The following SLC7A1 variants were observed in gnomAD, a reference collection of about 807,000 sequenced individuals.
SLC7A1 encodes the protein high affinity cationic amino acid transporter 1.
In SLC7A1, 10 loss-of-function variants were observed where a neutral mutation model predicts 53.9. The observed-to-expected ratio is 0.19, with a 90% CI of 0.11 to 0.31. The LOEUF (loss-of-function observed/expected upper bound fraction) is 0.31. Ranked by LOEUF, SLC7A1 falls within the 10% of genes least tolerant of loss-of-function variation. SLC7A1 has a pLI of 1.00. For synonymous variants in SLC7A1, 342 were observed against 338.7 expected, an observed-to-expected ratio of 1.01 and a Z score of -0.11; for missense variants, 525 against 827.2, an observed-to-expected ratio of 0.63 and a Z score of 4.48.
chr13:29,579,700 T>C (rs911644800), intron 1 of SLC7A1, among the ~76,000 whole-genome samples: 1 of 152,186 alleles, frequency 6.6e-6, no homozygotes, highest in African/African-American at 2.4e-5. Context: ...CTGCTCACTC[T>C]TTCCAGAGCT....
intron 1 of SLC7A1, among the ~76,000 whole-genome samples, chr13:29,568,456 CT>C (rs1179486033): frequency 3.3e-5 from 5 of 152,218 alleles, no homozygotes; most frequent in Non-Finnish European, 7.3e-5. Context: ...CCCCGCGTAG[CT>C]ACAACTATGG....
At chr13:29,568,017 G>A (rs1352475224) in intron 1 of SLC7A1, among the ~76,000 whole-genome samples, 2 of 152,146 alleles carry the variant, frequency 1.3e-5, no homozygotes, top group East Asian at 1.9e-4. Context: ...CCACATGCCT[G>A]GCACCTGCCA....
At chr13:29,517,036 C>A (rs996986027) in intron 11 of SLC7A1, 108 bp downstream of exon 11, 2 of 1,111,660 alleles carry the variant, frequency 1.8e-6, no homozygotes, top group Non-Finnish European at 2.5e-6. Flanking sequence ...CTAGCAAAAA[C>A]CTTCCTCGGG....
chr13:29,546,757 C>T (rs1016424448), intron 2 of SLC7A1, among the ~76,000 whole-genome samples: 6 of 152,030 alleles, frequency 3.9e-5, no homozygotes, highest in African/African-American at 7.3e-5. Context: ...TTCACTGGTT[C>T]GAGAGGAGAC....
At chr13:29,569,816 A>G (rs1871122189) in intron 1 of SLC7A1, among the ~76,000 whole-genome samples, 1 of 152,220 alleles carries the variant, frequency 6.6e-6, no homozygotes, top group Non-Finnish European at 1.5e-5. Context: ...GAGAACACTG[A>G]ACCTCAAAGA....
Position 29,514,443 on chromosome 13 carries a change from CG to C in SLC7A1, c.*36del, listed in dbSNP as rs1883492770. On this transcript the variant is annotated 3_prime_UTR_variant, in exon 13 of 13. Coordinates refer to ENST00000380752, the MANE Select transcript of SLC7A1 (RefSeq NM_003045.5). Reference sequence around the variant, plus strand: ...CTCCCGGTCCTCTGGGGGCGTCCCTCGGGGCTGCTGCCACCTCCGGGGGGCG... The same window carrying C: ...CTCCCGGTCCTCTGGGGGCGTCCCTCGGGCTGCTGCCACCTCCGGGGGGCG... The C allele has an allele frequency of 1.3e-6, 2 of 1,536,700 alleles. No homozygotes were observed. Among genetic ancestry groups the C allele is most frequent in the East Asian group, 2.3e-5 (1 of 44,342 alleles).
intron 5 of SLC7A1, 28 bp from the exon 6 acceptor site, chr13:29,524,281 C>G (rs753299069): frequency 6.2e-7 from 1 of 1,613,864 alleles, no homozygotes; most frequent in African/African-American, 1.3e-5. Context: ...AAACAAATGT[C>G]ACGTCACTCG....
In SLC7A1 at chr13:29,513,923, C is replaced by T. The variant is rs1209104215; in HGVS notation, c.*557G>A. ...GCCCTAATGACCCATCTGAATGCAA[C>T]CGGAGAAGGACAACAGGCCTGATTT... On this transcript the variant is annotated 3_prime_UTR_variant, in exon 13 of 13. Coordinates refer to ENST00000380752, the MANE Select transcript of SLC7A1 (RefSeq NM_003045.5). The T allele has an allele frequency of 6.5e-6, 1 of 153,074 alleles. No homozygotes were observed. The highest frequency in any genetic ancestry group is 2.4e-5 in the African/African-American group (1 of 41,464). 9.5% of individuals were successfully genotyped at this position (153,074 alleles called of 1,614,324 possible). A position where few individuals can be genotyped will look rare whatever the true frequency, so the allele number is the denominator to read the frequency against.
intron 1 of SLC7A1, among the ~76,000 whole-genome samples, chr13:29,571,926 A>G (rs908880399): frequency 3.9e-5 from 6 of 152,156 alleles, no homozygotes; most frequent in Admixed American, 1.3e-4. Context: ...AAGCAGCCTC[A>G]CTTCCTGCCT....
chr13:29,522,234 C>A, intron 8 of SLC7A1, 83 bp downstream of exon 8: 1 of 1,395,044 alleles, frequency 7.2e-7, no homozygotes, highest in Non-Finnish European at 1.0e-6. Context: ...TACTCACAGA[C>A]CAGAACTGCG....
rs1871434961 is a variant in SLC7A1, at chr13:29,576,857, C to A, written c.-115+18559G>T. 1.3e-5 allele frequency among the ~76,000 whole-genome samples: 2 copies of A among 152,222 alleles called. 1 individual carries two copies. ...TGGCAAGTGGGCAGAGGAAGGCCTGCAGCAGGTTCCTACAGCCGGTCAGCA... is the reference window on the plus strand; with the variant it reads ...TGGCAAGTGGGCAGAGGAAGGCCTGAAGCAGGTTCCTACAGCCGGTCAGCA... On this transcript the variant is annotated intron_variant, in intron 1 of 12. Coordinates refer to ENST00000380752, the MANE Select transcript of SLC7A1 (RefSeq NM_003045.5).
intron 6 of SLC7A1, among the ~76,000 whole-genome samples, chr13:29,523,715 G>A (rs908641897): frequency 1.3e-5 from 2 of 152,322 alleles, no homozygotes; most frequent in African/African-American, 2.4e-5. Flanking sequence ...CAGTGTTCTC[G>A]GCCTGAATGT....
At chr13:29,551,509 A>C (rs956144252) in intron 2 of SLC7A1, among the ~76,000 whole-genome samples, 1 of 152,084 alleles carries the variant, frequency 6.6e-6, no homozygotes, top group African/African-American at 2.4e-5. Context: ...AACACCACCC[A>C]AGGGCTTCCC....
chr13:29,535,762 G>A (rs1195467214), intron 3 of SLC7A1, 57 bp downstream of exon 3: 6 of 1,560,488 alleles, frequency 3.8e-6, no homozygotes, highest in South Asian at 1.2e-5. Flanking sequence ...ACACTTTGGA[G>A]GTGGGAACAA....
In SLC7A1 at chr13:29,535,966, G is replaced by A; in HGVS notation, c.223C>T (p.Leu75=). The change falls in exon 3 of 13, where the codon CTG becomes TTG. Residue 75 remains leucine, a synonymous_variant. Coordinates refer to ENST00000380752, the MANE Select transcript of SLC7A1 (RefSeq NM_003045.5). The stretch of plus-strand genomic sequence containing the variant: ...CACAGGCCAGCCAGCACTGAGGCCA[G>A]CGCAGCGATCAGGAAGGAGATGACA... ...AIVISFLIAA[L]ASVLAGLCYG... is the part of the protein sequence containing the mutation. 1 of 1,614,190 alleles carries A rather than the reference G, an allele frequency of 6.2e-7. No individual in the cohort carries two copies. The highest frequency in any genetic ancestry group is 8.5e-7 in the Non-Finnish European group (1 of 1,180,046).
rs1386700665 is a variant in SLC7A1, at chr13:29,511,986, G to C, written c.*2494C>G. 6.6e-6 allele frequency: 1 copy of C among 151,524 alleles called. No homozygotes were observed. 9.4% of individuals were successfully genotyped at this position (151,524 alleles called of 1,614,324 possible). A position where few individuals can be genotyped will look rare whatever the true frequency, so the allele number is the denominator to read the frequency against. On this transcript the variant is annotated 3_prime_UTR_variant, in exon 13 of 13. Transcript: ENST00000380752. The stretch of plus-strand genomic sequence containing the variant: ...AAACTATCATTTTTTTTTTGCTTGT[G>C]TGTATTTTTATTTCAGGGAAAGAAA...
intron 1 of SLC7A1, among the ~76,000 whole-genome samples, chr13:29,592,992 C>G (rs1020949840): frequency 6.6e-6 from 1 of 151,974 alleles, no homozygotes; most frequent in African/African-American, 2.4e-5. Context: ...CTGAAGAGAC[C>G]CCCCAGATTT....
chr13:29,543,977 T>A (rs1869789475), intron 2 of SLC7A1, among the ~76,000 whole-genome samples: 1 of 151,992 alleles, frequency 6.6e-6, no homozygotes. Flanking sequence ...CAAGAACAAC[T>A]GCCAACAGAG....
At chr13:29,533,025 G>A (rs1331955643) in intron 3 of SLC7A1, 43 bp from the exon 4 acceptor site, 14 of 1,562,128 alleles carry the variant, frequency 9.0e-6, no homozygotes, top group South Asian at 1.2e-5. Context: ...GAGGACAACT[G>A]TTAGCCAGGT....
Sources: allele counts gnomAD v4.1 joint callset (sites outside exome capture counted in the v4.1 genomes callset), GRCh38; gene constraint gnomAD v4.1.1; transcripts MANE v1.5; gene names NCBI Gene and HGNC (gene_info 2026-07-23, HGNC 2026-07-21).